ANGPTL5: variants seen among roughly 807,000 people sequenced by gnomAD.
The protein encoded by ANGPTL5 is angiopoietin like 5, also known as angiopoietin-related protein 5.
In ANGPTL5, 34 loss-of-function variants were observed where a neutral mutation model predicts 39.4. The observed-to-expected ratio is 0.86, with a 90% CI of 0.66 to 1.15. The LOEUF (loss-of-function observed/expected upper bound fraction) is 1.15. ANGPTL5 is among the 50% of genes most tolerant of loss of function. ANGPTL5 has a pLI of 0.00. For synonymous variants in ANGPTL5, 146 were observed against 152.1 expected (o/e 0.96, Z 0.29); for missense variants, 467 against 457.5 (o/e 1.02, Z -0.19).
intron 7 of ANGPTL5, among the ~76,000 whole-genome samples, chr11:101,897,152 T>C (rs1452748011): frequency 1.3e-5 from 2 of 152,252 alleles, no homozygotes; most frequent in Non-Finnish European, 2.9e-5. Flanking sequence ...TTAAATGTCG[T>C]CTTTTGAAAA....
chr11:101,910,424 A>AATATATATAT (rs71059523), intron 1 of ANGPTL5, among the ~76,000 whole-genome samples: 37 of 127,206 alleles, frequency 2.9e-4, no homozygotes, highest in Middle Eastern at 4.0e-3. Context: ...AAAAAAAAAA[A>AATATATATAT]ATATATATAT....
At chr11:101,899,400 C>G (rs1455073732) in intron 7 of ANGPTL5, among the ~76,000 whole-genome samples, 1 of 152,130 alleles carries the variant, frequency 6.6e-6, no homozygotes, top group East Asian at 1.9e-4. Context: ...ACACCCAGCC[C>G]CAAATTTGTT....
At chr11:101,908,054 T>C in intron 1 of ANGPTL5, 53 bp from the exon 2 acceptor site, 1 of 627,576 alleles carries the variant, frequency 1.6e-6, no homozygotes, top group Non-Finnish European at 2.9e-6. Flanking sequence ...TTCCATGCCC[T>C]GGTTTGAAAC....
chr11:101,915,385 G>A, intron 1 of ANGPTL5: 1 of 1,613,586 alleles, frequency 6.2e-7, no homozygotes, highest in Non-Finnish European at 8.5e-7. Flanking sequence ...CGGGAGAGCG[G>A]CGGGCATCAC....
rs755464441 is a variant in ANGPTL5 at position 101,891,171 on chromosome 11, A to C, written c.*108T>G. 4 of 993,910 alleles carry C rather than the reference A, an allele frequency of 4.0e-6. No individual in the cohort carries two copies. Among genetic ancestry groups the C allele is most frequent in the Non-Finnish European group, 5.8e-6 (4 of 689,942 alleles). The allele number at this position is 993,910 out of a possible 1,614,324, so 61.6% of individuals were successfully genotyped here. A position where few individuals can be genotyped will look rare whatever the true frequency, so the allele number is the denominator to read the frequency against. ...AACTCATAACATCTAAATGCCATCTACAGTTAAATTTTGCCTAATATGTTT... is the reference window on the plus strand; with the variant it reads ...AACTCATAACATCTAAATGCCATCTCCAGTTAAATTTTGCCTAATATGTTT... On this transcript the variant is annotated 3_prime_UTR_variant, in exon 9 of 9. Transcript: ENST00000334289.
intron 1 of ANGPTL5, among the ~76,000 whole-genome samples, chr11:101,910,424 A>AAATATATATAT (rs1469724609): frequency 3.1e-4 from 40 of 127,202 alleles, no homozygotes; most frequent in South Asian, 1.3e-3. Context: ...AAAAAAAAAA[A>AAATATATATAT]ATATATATAT....
At chr11:101,900,717 GA>G (rs1454430130) in intron 6 of ANGPTL5, among the ~76,000 whole-genome samples, 167 bp from the exon 7 acceptor site, 119 of 152,146 alleles carry the variant, frequency 7.8e-4, no homozygotes, top group African/African-American at 2.8e-3. Flanking sequence ...TATATTTCTA[GA>G]AATAATACTG....
At position 101,894,994 on chromosome 11, in the gene ANGPTL5, A is replaced by G; in HGVS notation, c.732T>C (p.Tyr244=). 1 of 1,611,812 alleles carries G rather than the reference A, an allele frequency of 6.2e-7. No individual in the cohort carries two copies. ...TGTCATCTTCAGATTCCAAAGCCAC[A>G]TACAGCATAAAACTGGTATTTTTCT... The part of the protein sequence containing the change: ...VNQKNTSFML[Y]VALESEDDTL... Residue 244 remains tyrosine, a synonymous_variant, in exon 8 of 9, where the codon TAT becomes TAC. Coordinates refer to ENST00000334289, the MANE Select transcript of ANGPTL5 (RefSeq NM_178127.5).
chr11:101,903,297 T>C (rs1939939365), intron 5 of ANGPTL5, among the ~76,000 whole-genome samples: 1 of 152,174 alleles, frequency 6.6e-6, no homozygotes, highest in African/African-American at 2.4e-5. Context: ...GTTAGAATTA[T>C]AGCACCCCAT....
At chr11:101,899,972 GT>G in intron 7 of ANGPTL5, among the ~76,000 whole-genome samples, 1 of 152,142 alleles carries the variant, frequency 6.6e-6, no homozygotes, top group Admixed American at 6.5e-5. Context: ...GCATAATGAT[GT>G]TTACTGACAT....
chr11:101,910,014 G>A (rs918002887), intron 1 of ANGPTL5, among the ~76,000 whole-genome samples: 2 of 152,206 alleles, frequency 1.3e-5, no homozygotes, highest in South Asian at 4.1e-4. Flanking sequence ...TGCTCATGCT[G>A]CTGGGTGGAG....
In ANGPTL5 at chr11:101,915,443, A is replaced by G. The variant is rs557257305; in HGVS notation, c.-93+576T>C. On this transcript the variant is annotated intron_variant, in intron 1 of 8. Coordinates refer to ENST00000334289, the MANE Select transcript of ANGPTL5 (RefSeq NM_178127.5). ...CTTCCCAGCCTGTGGCTGCCAGGGT[A>G]GCGATGTTGAAAACGGGGCCCATCT... 9 of 1,585,360 alleles carry G rather than the reference A, an allele frequency of 5.7e-6. No individual in the cohort carries two copies. In the East Asian group the frequency reaches 1.8e-4, roughly 32 times the overall value.
At position 101,915,259 on chromosome 11, in the gene ANGPTL5, G is replaced by A. The variant is rs753263798; in HGVS notation, c.-93+760C>T. ...GCCATGAGGGAGGTTCTGGGGGCGA[G>A]CAGACAGGCGGCGCTGAAGTGAAGG... On this transcript the variant is annotated intron_variant, in intron 1 of 8. Transcript: ENST00000334289. 24 of 1,612,232 alleles carry A rather than the reference G, an allele frequency of 1.5e-5. No individual in the cohort carries two copies. The Admixed American group carries it at 2.8e-4, about 19-fold the overall frequency.
chr11:101,892,129 G>A (rs758944036), intron 8 of ANGPTL5, among the ~76,000 whole-genome samples: 3 of 152,122 alleles, frequency 2.0e-5, no homozygotes, highest in Non-Finnish European at 4.4e-5. Context: ...CTGTTGAGGT[G>A]TACCTTTTCT....
intron 8 of ANGPTL5, among the ~76,000 whole-genome samples, chr11:101,894,598 C>G (rs1939758399): frequency 1.3e-5 from 2 of 152,104 alleles, no homozygotes; most frequent in South Asian, 2.1e-4. Flanking sequence ...AATGAAAATG[C>G]CTTCACAGCC....
At chr11:101,893,224 A>G (rs1386421567) in intron 8 of ANGPTL5, among the ~76,000 whole-genome samples, 1 of 152,256 alleles carries the variant, frequency 6.6e-6, no homozygotes, top group Admixed American at 6.5e-5. Context: ...GTGTGGTTGG[A>G]GAACATAACA....
At chr11:101,913,393 TTATG>T (rs918431209) in intron 1 of ANGPTL5, among the ~76,000 whole-genome samples, 3 of 152,196 alleles carry the variant, frequency 2.0e-5, no homozygotes, top group African/African-American at 7.2e-5. Context: ...ATCCTATAAA[TTATG>T]TATGTTTAGC....
chr11:101,901,262 G>A (rs1939894505), intron 6 of ANGPTL5, among the ~76,000 whole-genome samples: 1 of 151,910 alleles, frequency 6.6e-6, no homozygotes, highest in African/African-American at 2.4e-5. Context: ...CTCTGATGTG[G>A]CAGAGCAATG....
intron 7 of ANGPTL5, among the ~76,000 whole-genome samples, chr11:101,896,251 C>T (rs1216928174): frequency 6.6e-6 from 1 of 151,498 alleles, no homozygotes; most frequent in Non-Finnish European, 1.5e-5. Context: ...AGTGCGATCT[C>T]GGCTCACTGC....
Sources: gnomAD v4.1 joint callset for allele counts (sites outside exome capture counted in the v4.1 genomes callset) on GRCh38, gnomAD v4.1.1 for gene constraint, MANE v1.5 for transcripts, NCBI Gene and HGNC (gene_info 2026-07-23, HGNC 2026-07-21) for gene names.